Variants in CAMK4 observed in about 807,000 individuals in gnomAD.
CAMK4 encodes the protein calcium/calmodulin dependent protein kinase IV, also known as calcium/calmodulin-dependent protein kinase type IV.
A neutral mutation model predicts 44.9 loss-of-function variants in CAMK4; 22 were observed. The ratio of observed to expected loss-of-function variants is 0.49; its 90% CI spans 0.35 to 0.70. The LOEUF is 0.70. Ranked by LOEUF, CAMK4 falls within the 30% of genes least tolerant of loss-of-function variation. The probability of loss-of-function intolerance (pLI) is 0.01; values close to 1 mark genes in which losing one functional copy is unlikely to be tolerated. For synonymous variants in CAMK4, 218 were observed against 215.4 expected, an observed-to-expected ratio of 1.01 and a Z score of -0.11; for missense variants, 498 against 586.8, an observed-to-expected ratio of 0.85 and a Z score of 1.56.
rs1755481457 is a variant in CAMK4 at position 111,482,873 on chromosome 5, A to G, written c.917A>G (p.Asn306Ser). 6.2e-7 allele frequency: 1 copy of G among 1,613,580 alleles called. No homozygotes were observed. The highest frequency in any genetic ancestry group is 1.3e-5 in the African/African-American group (1 of 74,904). Residue 306 changes from asparagine to serine, a missense_variant, in exon 10 of 11, where the codon AAT (asparagine) becomes AGT (serine). This residue lies in a region of CAMK4 where 203 missense variants were observed against 298.2 expected (regional missense o/e 0.68). Transcript: ENST00000282356. This position sits in a 1 kb window ranked among gnomAD's most constrained non-coding sequence, Gnocchi z 4.9. ...QHPWVTGKAA[N>S]FVHMDTAQKK... is the part of the protein sequence containing the mutation. ...CCGTGGGTCACAGGTAAAGCAGCCA[A>G]TTTTGTACACATGGATACCGCTCAA...
At chr5:111,268,476 G>T (rs905085491) in intron 1 of CAMK4, among the ~76,000 whole-genome samples, 1 of 152,204 alleles carries the variant, frequency 6.6e-6, no homozygotes, top group South Asian at 2.1e-4. Flanking sequence ...TGAATTTCCA[G>T]CCAAGGAATG....
chr5:111,450,961 T>C (rs965841361), intron 7 of CAMK4, among the ~76,000 whole-genome samples: 2 of 152,202 alleles, frequency 1.3e-5, no homozygotes, highest in Non-Finnish European at 2.9e-5. Context: ...GCCCCAGAAA[T>C]AGACAAAGAA....
intron 1 of CAMK4, among the ~76,000 whole-genome samples, chr5:111,342,354 C>A (rs1749680774): frequency 6.6e-6 from 1 of 151,366 alleles, no homozygotes; most frequent in Admixed American, 6.6e-5. Flanking sequence ...TAGTTGACGC[C>A]TTCGTAATTA....
At chr5:111,240,763 A>C (rs1748953755) in intron 1 of CAMK4, among the ~76,000 whole-genome samples, 1 of 152,204 alleles carries the variant, frequency 6.6e-6, no homozygotes, top group Non-Finnish European at 1.5e-5. Flanking sequence ...ACAGCCTTTC[A>C]AGTTGTTCTC....
chr5:111,431,397 C>T (rs2112939799), intron 5 of CAMK4, among the ~76,000 whole-genome samples: 1 of 152,278 alleles, frequency 6.6e-6, no homozygotes, highest in South Asian at 2.1e-4. Flanking sequence ...CAACCTCAAA[C>T]TATGAAACTA....
At chr5:111,464,474 G>C (rs903172120) in intron 7 of CAMK4, among the ~76,000 whole-genome samples, 62 of 152,126 alleles carry the variant, frequency 4.1e-4, no homozygotes, top group African/African-American at 1.4e-3. Context: ...ACAAGTACAG[G>C]AAGCTCAAAG....
At position 111,273,696 on chromosome 5, in the gene CAMK4, TATATATATATATATATATATATACACAC is replaced by T. The variant is rs1198187165; in HGVS notation, c.161+49054_161+49081del. On this transcript the variant is annotated intron_variant, in intron 1 of 10. Coordinates refer to ENST00000282356, the MANE Select transcript of CAMK4 (RefSeq NM_001744.6). The stretch of plus-strand genomic sequence containing the variant: ...ATGCATTTATATATATATATATATA[TATATATATATATATATATATATACACAC>T]ACATACATACACACACACACGCTCA... Among the ~76,000 whole-genome samples the T allele has an allele frequency of 1.4e-3, 73 of 53,152 alleles. 3 individuals carry two copies. Among genetic ancestry groups the T allele is most frequent in the South Asian group, 5.8e-3 (6 of 1,036 alleles). The allele number at this position is 53,152 out of a possible 152,430, so 34.9% of individuals were successfully genotyped here. A position where few individuals can be genotyped will look rare whatever the true frequency, so the allele number is the denominator to read the frequency against.
At chr5:111,244,293 C>G (rs2112525690) in intron 1 of CAMK4, among the ~76,000 whole-genome samples, 1 of 152,164 alleles carries the variant, frequency 6.6e-6, no homozygotes, top group East Asian at 1.9e-4. Flanking sequence ...GAGGATATGT[C>G]TTAAAAATTG....
chr5:111,234,293 G>A (rs1025672497), intron 1 of CAMK4, among the ~76,000 whole-genome samples: 1 of 152,108 alleles, frequency 6.6e-6, no homozygotes, highest in African/African-American at 2.4e-5. Context: ...GGGTACATAC[G>A]TGCAACTGTT....
intron 4 of CAMK4, among the ~76,000 whole-genome samples, chr5:111,388,152 T>C (rs914653109): frequency 6.6e-6 from 1 of 152,172 alleles, no homozygotes; most frequent in Non-Finnish European, 1.5e-5. Flanking sequence ...AGGGTGATGG[T>C]TGGCCAAGAT....
Position 111,352,637 on chromosome 5 carries a change from C to CACAGAGAG in CAMK4, c.240+8536_240+8537insCAGAGAGA, listed in dbSNP as rs146925002. On this transcript the variant is annotated intron_variant, in intron 2 of 10. Transcript: ENST00000282356. ...CCTGTGTCAACTCATGGCAGAATAG[C>CACAGAGAG]AGAGAGAGAGAGAGAGAGAGAGAGA... Among the ~76,000 whole-genome samples the CACAGAGAG allele has an allele frequency of 9.2e-5, 10 of 109,184 alleles. No homozygotes were observed. The Admixed American group carries it at 1.0e-3, about 11-fold the overall frequency. The allele number at this position is 109,184 out of a possible 152,430, so 71.6% of individuals were successfully genotyped here.
chr5:111,424,684 C>T (rs546831230), intron 5 of CAMK4, among the ~76,000 whole-genome samples: 14 of 151,634 alleles, frequency 9.2e-5, no homozygotes, highest in Admixed American at 5.9e-4. Context: ...CCTGACCTTG[C>T]GATCCGCCCG....
intron 5 of CAMK4, among the ~76,000 whole-genome samples, chr5:111,430,205 A>AG (rs1753392706): frequency 6.6e-6 from 1 of 152,208 alleles, no homozygotes; most frequent in Admixed American, 6.5e-5. Context: ...CAACAGAATG[A>AG]GGGAAAAAAA....
At chr5:111,428,156 C>T (rs1480837782) in intron 5 of CAMK4, among the ~76,000 whole-genome samples, 1 of 152,280 alleles carries the variant, frequency 6.6e-6, no homozygotes, top group African/African-American at 2.4e-5. Flanking sequence ...TACAAGTCTG[C>T]AAAAACCACA....
At chr5:111,471,323 C>T (rs1417378176) in intron 7 of CAMK4, among the ~76,000 whole-genome samples, 2 of 152,180 alleles carry the variant, frequency 1.3e-5, no homozygotes, top group Non-Finnish European at 2.9e-5. Context: ...TCAATTAGGC[C>T]ATGAGCAAGA....
intron 2 of CAMK4, among the ~76,000 whole-genome samples, chr5:111,370,214 C>G (rs555492151): frequency 1.4e-4 from 22 of 152,234 alleles, no homozygotes; most frequent in Middle Eastern, 3.4e-3. Flanking sequence ...CTAGCCCAGA[C>G]TTTTTGCAGT....
chr5:111,453,691 G>T (rs1754316256), intron 7 of CAMK4, among the ~76,000 whole-genome samples: 1 of 152,174 alleles, frequency 6.6e-6, no homozygotes, highest in African/African-American at 2.4e-5. Context: ...AGAGACAGGA[G>T]GCACAGCAAG....
rs537386387 is a variant in CAMK4, at chr5:111,290,815, A to G, written c.162-53209A>G. The stretch of plus-strand genomic sequence containing the variant: ...TCCCCTACTAATACCTGGGGAGTAG[A>G]AAATCACACGTCTCTTGGAGGTTTA... On this transcript the variant is annotated intron_variant, in intron 1 of 10. Coordinates refer to ENST00000282356, the MANE Select transcript of CAMK4 (RefSeq NM_001744.6). The surrounding 1 kb of genome is among the most constrained non-coding windows in gnomAD (Gnocchi z 4.5). Among the ~76,000 whole-genome samples the G allele has an allele frequency of 6.6e-6, 1 of 152,344 alleles. No homozygotes were observed. Among genetic ancestry groups the G allele is most frequent in the South Asian group, 2.1e-4 (1 of 4,830 alleles).
rs749154232 is a variant in CAMK4, at chr5:111,482,737, A to T, written c.829-48A>T. 1 of 1,474,734 alleles carries T rather than the reference A, an allele frequency of 6.8e-7. No homozygotes were observed. The highest frequency in any genetic ancestry group is 9.3e-7 in the Non-Finnish European group (1 of 1,075,552). 91.4% of individuals were successfully genotyped at this position (1,474,734 alleles called of 1,614,324 possible). ...AAGTTTGTAAGCTGAGGGCAAGCCCAGGTCATCCTAAAAACCTCGCTAAGT... is the reference window on the plus strand; with the variant it reads ...AAGTTTGTAAGCTGAGGGCAAGCCCTGGTCATCCTAAAAACCTCGCTAAGT... On this transcript the variant is annotated intron_variant, in intron 9 of 10. Coordinates refer to ENST00000282356, the MANE Select transcript of CAMK4 (RefSeq NM_001744.6). The surrounding 1 kb of genome is among the most constrained non-coding windows in gnomAD (Gnocchi z 4.9).
Sources: gnomAD v4.1 joint callset for allele counts (sites outside exome capture counted in the v4.1 genomes callset) on GRCh38, gnomAD v4.1.1 for gene constraint, gnomAD v4.1.1 regional missense constraint, Gnocchi (gnomAD v3.1) non-coding constraint, MANE v1.5 for transcripts, NCBI Gene and HGNC (gene_info 2026-07-23, HGNC 2026-07-21) for gene names.